Variants in STIM2 observed in about 807,000 individuals in gnomAD.
STIM2 encodes stromal interaction molecule 2.
A neutral mutation model predicts 85.8 loss-of-function variants in STIM2; 31 were observed. That is an observed-to-expected ratio of 0.36 (90% CI 0.27 to 0.49). The LOEUF (loss-of-function observed/expected upper bound fraction) is 0.49, where lower values mean the gene tolerates loss of function less well. Ranked by LOEUF, STIM2 falls within the 20% of genes least tolerant of loss-of-function variation. The pLI is 0.98. For missense variants in STIM2, 841 were observed against 927.6 expected (o/e 0.91, Z 1.21); for synonymous variants, 356 against 331.1 (o/e 1.08, Z -0.82).
intron 2 of STIM2, among the ~76,000 whole-genome samples, chr4:26,920,212 CA>C (rs1724747464): frequency 6.6e-6 from 1 of 152,104 alleles, no homozygotes. Context: ...TTCCCATGTG[CA>C]AGTGTTTATC....
At chr4:27,016,877 T>C (rs1388902756) in intron 10 of STIM2, among the ~76,000 whole-genome samples, 2 of 152,212 alleles carry the variant, frequency 1.3e-5, no homozygotes, top group Non-Finnish European at 2.9e-5. Flanking sequence ...CCCTTAATAG[T>C]GTTCGCTTCA....
At chr4:26,970,236 TATATATATATGTATG>T (rs1489793171) in intron 3 of STIM2, among the ~76,000 whole-genome samples, 11 of 29,738 alleles carry the variant, frequency 3.7e-4, no homozygotes, top group African/African-American at 7.8e-4. Context: ...TATATATATA[TATATATATATGTATG>T]TATTTTTTTA....
At chr4:26,944,698 C>T (rs1725747582) in intron 2 of STIM2, among the ~76,000 whole-genome samples, 1 of 152,118 alleles carries the variant, frequency 6.6e-6, no homozygotes, top group Admixed American at 6.6e-5. Context: ...TGAGAAGCTT[C>T]TCACACAAAG....
chr4:27,018,003 C>A lies in STIM2; in HGVS notation c.1763+19C>A. 6.2e-7 allele frequency: 1 copy of A among 1,612,432 alleles called. No homozygotes were observed. Among genetic ancestry groups the A allele is most frequent in the Non-Finnish European group, 8.5e-7 (1 of 1,178,816 alleles). Reference sequence around the variant, plus strand: ...AGCAATGGTATTGGCAGTGAATAATCTACAGGGCATGTTGGGGCTGGGTTG... The same window carrying A: ...AGCAATGGTATTGGCAGTGAATAATATACAGGGCATGTTGGGGCTGGGTTG... On this transcript the variant is annotated intron_variant, in intron 11 of 11. Coordinates refer to ENST00000467087, the MANE Select transcript of STIM2 (RefSeq NM_020860.4).
chr4:26,962,286 G>A (rs983914955), intron 3 of STIM2, among the ~76,000 whole-genome samples: 2 of 152,158 alleles, frequency 1.3e-5, no homozygotes, highest in African/African-American at 4.8e-5. Context: ...TAGGCGCTTA[G>A]TAAAGGTTGA....
At chr4:26,875,758 A>G (rs1173779317) in intron 1 of STIM2, among the ~76,000 whole-genome samples, 1 of 152,210 alleles carries the variant, frequency 6.6e-6, no homozygotes, top group Non-Finnish European at 1.5e-5. Context: ...ATCTTATACT[A>G]GCAGAATTTC....
At chr4:26,897,750 T>A (rs573711103) in intron 1 of STIM2, among the ~76,000 whole-genome samples, 63 of 152,304 alleles carry the variant, frequency 4.1e-4, no homozygotes, top group Non-Finnish European at 6.5e-4. Context: ...ATATTTACAT[T>A]TTCTCTCTCA....
At chr4:27,014,606 T>C (rs77768780) in intron 10 of STIM2, among the ~76,000 whole-genome samples, 3,693 of 151,990 alleles carry the variant, frequency 0.024, 139 homozygotes, top group African/African-American at 0.078. Flanking sequence ...TTAGTATTTA[T>C]TGGTCATATA....
chr4:26,961,250 C>G (rs1271931058), intron 3 of STIM2, among the ~76,000 whole-genome samples: 1 of 152,000 alleles, frequency 6.6e-6, no homozygotes, highest in Non-Finnish European at 1.5e-5. Context: ...CCAAATTGAG[C>G]AAAGATAAAG....
intron 5 of STIM2, among the ~76,000 whole-genome samples, chr4:27,001,384 T>C (rs1342934031): frequency 2.6e-5 from 4 of 152,216 alleles, no homozygotes; most frequent in Non-Finnish European, 5.9e-5. Flanking sequence ...CCTCACTCTT[T>C]GTTTTAGACA....
rs1384936468 is a variant in STIM2, at chr4:26,937,293, G to T, written c.282+17659G>T. Among the ~76,000 whole-genome samples, 4 of 152,250 alleles carry T rather than the reference G, an allele frequency of 2.6e-5. No individual in the cohort carries two copies. In the East Asian group the frequency reaches 7.7e-4, roughly 29 times the overall value. ...TATTAAACATTGTTACAGACCGGAA[G>T]GGGGCAGAGCAGTGGGAGTAGGGTT... On this transcript the variant is annotated intron_variant, in intron 2 of 11. Transcript: ENST00000467087.
At chr4:26,895,691 A>C (rs1467095613) in intron 1 of STIM2, among the ~76,000 whole-genome samples, 1 of 152,212 alleles carries the variant, frequency 6.6e-6, no homozygotes, top group African/African-American at 2.4e-5. Context: ...AAACCATGGA[A>C]CTTCTTTGTG....
chr4:26,886,355 A>G (rs1384609599), intron 1 of STIM2, among the ~76,000 whole-genome samples: 1 of 152,216 alleles, frequency 6.6e-6, no homozygotes, highest in Non-Finnish European at 1.5e-5. Context: ...GCTTAATTTC[A>G]CTGAGGATAA....
At chr4:26,952,781 C>T (rs969144538) in intron 2 of STIM2, among the ~76,000 whole-genome samples, 9 of 152,236 alleles carry the variant, frequency 5.9e-5, no homozygotes, top group Middle Eastern at 3.4e-3. Flanking sequence ...TGCATTTATA[C>T]AGAACATCCA....
At chr4:26,936,910 C>G (rs1725412792) in intron 2 of STIM2, among the ~76,000 whole-genome samples, 1 of 152,178 alleles carries the variant, frequency 6.6e-6, no homozygotes, top group African/African-American at 2.4e-5. Flanking sequence ...CCACCTCAGC[C>G]TTCCAAGTAG....
chr4:26,910,088 G>A (rs549512924), intron 1 of STIM2, among the ~76,000 whole-genome samples: 2 of 152,316 alleles, frequency 1.3e-5, no homozygotes, highest in South Asian at 2.1e-4. Context: ...GAAACCAGGA[G>A]TCAAGAAATT....
chr4:27,003,648 A>T (rs138838001), intron 7 of STIM2, among the ~76,000 whole-genome samples: 437 of 152,210 alleles, frequency 2.9e-3, no homozygotes, highest in African/African-American at 0.01. Flanking sequence ...AATTATAGAC[A>T]GATGCATTAG....
chr4:26,974,708 A>G (rs560913531), intron 3 of STIM2, among the ~76,000 whole-genome samples: 3 of 152,104 alleles, frequency 2.0e-5, no homozygotes, highest in African/African-American at 4.8e-5. Context: ...TCTGACAATT[A>G]TGCGTCTTGG....
intron 3 of STIM2, among the ~76,000 whole-genome samples, chr4:26,977,642 C>G (rs534961229): frequency 1.3e-5 from 2 of 151,956 alleles, no homozygotes; most frequent in African/African-American, 4.8e-5. Context: ...ATTCAGGTTA[C>G]TAGTGGGGGA....
Sources: allele counts gnomAD v4.1 joint callset (sites outside exome capture counted in the v4.1 genomes callset), GRCh38; gene constraint gnomAD v4.1.1; transcripts MANE v1.5; gene names NCBI Gene and HGNC (gene_info 2026-07-23, HGNC 2026-07-21).